Variants in CASP6 observed in about 807,000 individuals in gnomAD.
CASP6 encodes the protein caspase-6.
In CASP6, 20 loss-of-function variants were observed where a neutral mutation model predicts 31.8. The observed-to-expected ratio is 0.63, with a 90% CI of 0.44 to 0.91. The LOEUF is 0.91. CASP6 is among the 40% of genes least tolerant of loss of function. The pLI is 0.00. For synonymous variants in CASP6, 130 were observed against 127.8 expected (o/e 1.02, Z -0.12); for missense variants, 328 against 361.1 (o/e 0.91, Z 0.74).
chr4:109,690,520 C>T (rs1367332619), intron 6 of CASP6, among the ~76,000 whole-genome samples: 2 of 148,852 alleles, frequency 1.3e-5, no homozygotes, highest in Non-Finnish European at 3.0e-5. Context: ...GAGACCTTGT[C>T]TCAAAAAAAA....
chr4:109,681,502 G>C, the CASP6 span: 1 of 451,012 alleles, frequency 2.2e-6, no homozygotes, highest in Non-Finnish European at 4.5e-6. Flanking sequence ...CAAGATGATG[G>C]CAAGCCTCGT....
chr4:109,707,578 G>A (rs1262336702), upstream of CASP6, among the ~76,000 whole-genome samples: 3 of 151,940 alleles, frequency 2.0e-5, no homozygotes, highest in African/African-American at 7.3e-5. Flanking sequence ...TAGAGATGGG[G>A]TTTCTCCATG....
Position 109,689,141 on chromosome 4 carries a change from A to C in CASP6, c.*189T>G, listed in dbSNP as rs747882988. 33 of 516,078 alleles carry C rather than the reference A, an allele frequency of 6.4e-5. No homozygotes were observed. The highest frequency in any genetic ancestry group is 1.0e-4 in the Non-Finnish European group (29 of 285,190). The allele number at this position is 516,078 out of a possible 1,614,324, so 32.0% of individuals were successfully genotyped here. A position where few individuals can be genotyped will look rare whatever the true frequency, so the allele number is the denominator to read the frequency against. On this transcript the variant is annotated 3_prime_UTR_variant, in exon 7 of 7. Transcript: ENST00000265164. ...CAGGCATGCGCCGCCATGCCTAGCT[A>C]AATTTTTTTTTGCATTTTTAGTAGA...
the CASP6 span, among the ~76,000 whole-genome samples, chr4:109,671,779 A>G: frequency 6.6e-6 from 1 of 151,848 alleles, no homozygotes; most frequent in African/African-American, 2.4e-5. Context: ...TTTGCCTTTT[A>G]GCTTGTCTTT....
At position 109,698,476 on chromosome 4, in the gene CASP6, G is replaced by A. The variant is rs1730320076; in HGVS notation, c.41-134C>T. 6.4e-6 allele frequency: 4 copies of A among 629,076 alleles called. No homozygotes were observed. In the South Asian group the frequency reaches 9.8e-5, roughly 15 times the overall value. 39.0% of individuals were successfully genotyped at this position (629,076 alleles called of 1,614,324 possible). A position where few individuals can be genotyped will look rare whatever the true frequency, so the allele number is the denominator to read the frequency against. On this transcript the variant is annotated intron_variant, in intron 1 of 6. Coordinates refer to ENST00000265164, the MANE Select transcript of CASP6 (RefSeq NM_001226.4). ...TTGGTTAGTTTAAAAGCCAAAGTAT[G>A]TGAAGAAAAGGAAATGAAGGGAAAC...
chr4:109,679,459 A>C, the CASP6 span, among the ~76,000 whole-genome samples: 2 of 152,168 alleles, frequency 1.3e-5, no homozygotes, highest in Non-Finnish European at 2.9e-5. Context: ...CAGCCCGGTC[A>C]ACACGGCGAA....
chr4:109,672,780 T>C, the CASP6 span, among the ~76,000 whole-genome samples: 5 of 152,188 alleles, frequency 3.3e-5, no homozygotes, highest in Non-Finnish European at 7.3e-5. Flanking sequence ...CTAACCATTA[T>C]CTGGTACAGT....
intron 1 of CASP6, among the ~76,000 whole-genome samples, chr4:109,702,336 T>TC (rs1425946210): frequency 1.4e-5 from 2 of 146,660 alleles, no homozygotes; most frequent in Admixed American, 6.7e-5. Context: ...CTTTTTTTTT[T>TC]TTTTTCTTCT....
At chr4:109,666,198 C>T in the CASP6 span, among the ~76,000 whole-genome samples, 1 of 152,116 alleles carries the variant, frequency 6.6e-6, no homozygotes, top group Non-Finnish European at 1.5e-5. Flanking sequence ...GTTTATTCAC[C>T]TACTGAAGGA....
At chr4:109,676,546 T>C in the CASP6 span, among the ~76,000 whole-genome samples, 2 of 152,172 alleles carry the variant, frequency 1.3e-5, no homozygotes, top group African/African-American at 4.8e-5. Context: ...ATACAGGCTT[T>C]TTCTAGTCTG....
the CASP6 span, chr4:109,673,694 T>C: frequency 8.2e-6 from 4 of 489,252 alleles, no homozygotes; most frequent in South Asian, 1.5e-4. Context: ...ACATTGCAAA[T>C]GTGGATTTGA....
the CASP6 span, among the ~76,000 whole-genome samples, chr4:109,665,124 C>A: frequency 2.0e-5 from 3 of 152,106 alleles, no homozygotes; most frequent in African/African-American, 7.2e-5. Flanking sequence ...ACCCAAAGTC[C>A]ATAGTTTACA....
At chr4:109,705,974 TAAAAAAAAAAAAA>T (rs59584573), upstream of CASP6, among the ~76,000 whole-genome samples, 6 of 29,398 alleles carry the variant, frequency 2.0e-4, no homozygotes, top group African/African-American at 5.6e-4. Flanking sequence ...AGACACTCTT[TAAAAAAAAAAAAA>T]AAAAAAAAAA....
chr4:109,685,983 A>G (rs534017451), downstream of CASP6, among the ~76,000 whole-genome samples: 39 of 152,204 alleles, frequency 2.6e-4, no homozygotes, highest in Non-Finnish European at 5.1e-4. Flanking sequence ...GTAATTTCAT[A>G]ACAAAAAAGT....
the CASP6 span, chr4:109,682,933 T>C: frequency 3.9e-6 from 2 of 518,346 alleles, no homozygotes; most frequent in Non-Finnish European, 6.9e-6. Flanking sequence ...CAGAGCTGTA[T>C]CGCTAATACA....
chr4:109,689,103 G>A lies in CASP6; in HGVS notation c.*227C>T. ...TGATTCTCCTGCCTCAGCCTTCCAA[G>A]TAGCTGGGATTGCAGGCATGCGCCG... On this transcript the variant is annotated 3_prime_UTR_variant, in exon 7 of 7. Coordinates refer to ENST00000265164, the MANE Select transcript of CASP6 (RefSeq NM_001226.4). The A allele has an allele frequency of 2.6e-6, 1 of 385,066 alleles. No homozygotes were observed. Among genetic ancestry groups the A allele is most frequent in the Non-Finnish European group, 4.8e-6 (1 of 206,580 alleles). The allele number at this position is 385,066 out of a possible 1,614,324, so 23.9% of individuals were successfully genotyped here.
At chr4:109,696,608 A>G (rs1162434721) in intron 3 of CASP6, 122 bp from the exon 4 acceptor site, 1 of 603,662 alleles carries the variant, frequency 1.7e-6, no homozygotes, top group Non-Finnish European at 2.9e-6. Flanking sequence ...AGGAGAAAAG[A>G]AATGAAATAT....
At chr4:109,702,435 T>C (rs377191559) in intron 1 of CASP6, among the ~76,000 whole-genome samples, 1 of 151,796 alleles carries the variant, frequency 6.6e-6, no homozygotes, top group East Asian at 2.0e-4. Flanking sequence ...GTTCAAACGA[T>C]TCTCTTGTCT....
chr4:109,708,490 T>C (rs147360368), upstream of CASP6, among the ~76,000 whole-genome samples: 1 of 152,370 alleles, frequency 6.6e-6, no homozygotes, highest in African/African-American at 2.4e-5. Context: ...TATTTAGCCA[T>C]TGACTACAAT....
Sources: gnomAD v4.1 joint callset for allele counts (sites outside exome capture counted in the v4.1 genomes callset) on GRCh38, gnomAD v4.1.1 for gene constraint, MANE v1.5 for transcripts, NCBI Gene and HGNC (gene_info 2026-07-23, HGNC 2026-07-21) for gene names.